Variants in SRGAP3 observed in about 807,000 individuals in gnomAD.
SRGAP3 encodes SLIT-ROBO Rho GTPase activating protein 3.
Under a neutral mutation model 121.1 loss-of-function variants are expected in SRGAP3, and 39 were observed. The ratio of observed to expected loss-of-function variants is 0.32; its 90% CI spans 0.25 to 0.42. The LOEUF is 0.42. SRGAP3 is among the 10% of genes least tolerant of loss of function. The pLI is 1.00. For synonymous variants in SRGAP3, 601 were observed against 570.0 expected, an observed-to-expected ratio of 1.05 and a Z score of -0.77; for missense variants, 1,213 against 1,470.6, an observed-to-expected ratio of 0.82 and a Z score of 2.86.
At chr3:9,124,637 T>C in intron 2 of SRGAP3, 88 bp downstream of exon 2, 1 of 1,559,930 alleles carries the variant, frequency 6.4e-7, no homozygotes, top group South Asian at 1.1e-5. Context: ...CCAATGAAGC[T>C]GGCTGGCCTC....
intron 11 of SRGAP3, chr3:9,036,583 CAAAACA>C (rs1944755965): frequency 7.2e-6 from 1 of 138,942 alleles, no homozygotes; most frequent in African/African-American, 2.7e-5. Flanking sequence ...CAAAACAAAA[CAAAACA>C]AAACACACAA....
At chr3:9,212,362 A>G (rs1952475705) in intron 1 of SRGAP3, among the ~76,000 whole-genome samples, 1 of 152,216 alleles carries the variant, frequency 6.6e-6, no homozygotes, top group Admixed American at 6.5e-5. Flanking sequence ...CTAATGTCTC[A>G]AAGAACAGGG....
chr3:9,123,830 G>A (rs1001738809), intron 2 of SRGAP3, among the ~76,000 whole-genome samples: 3 of 151,384 alleles, frequency 2.0e-5, no homozygotes, highest in African/African-American at 7.3e-5. Context: ...GGACCCAGGG[G>A]AAGGGGGATC....
At position 9,249,565 on chromosome 3, in the gene SRGAP3, C is replaced by T; in HGVS notation, c.-614G>A. ...CCCTTCGGTGCCTCTGGTCTGATGTCCAGTGAGGATCAAAGCCAGGAGAGC... is the reference window on the plus strand; with the variant it reads ...CCCTTCGGTGCCTCTGGTCTGATGTTCAGTGAGGATCAAAGCCAGGAGAGC... On this transcript the variant is annotated 5_prime_UTR_variant, in exon 1 of 22. Coordinates refer to ENST00000383836, the MANE Select transcript of SRGAP3 (RefSeq NM_014850.4). 4.2e-6 allele frequency: 1 copy of T among 239,794 alleles called. No homozygotes were observed. Among genetic ancestry groups the T allele is most frequent in the African/African-American group, 2.2e-5 (1 of 45,474 alleles). The allele number at this position is 239,794 out of a possible 1,614,324, so 14.9% of individuals were successfully genotyped here. A position where few individuals can be genotyped will look rare whatever the true frequency, so the allele number is the denominator to read the frequency against.
intron 1 of SRGAP3, among the ~76,000 whole-genome samples, chr3:9,337,278 C>A (rs1164813229): frequency 6.6e-6 from 1 of 152,124 alleles, no homozygotes; most frequent in African/African-American, 2.4e-5. Flanking sequence ...ACAAAAACAC[C>A]CAGAATAATG....
intron 1 of SRGAP3, among the ~76,000 whole-genome samples, chr3:9,351,010 C>T (rs1441813864): frequency 6.6e-6 from 1 of 152,160 alleles, no homozygotes; most frequent in African/African-American, 2.4e-5. Context: ...TGCTAGGATG[C>T]TGGCTCCCTC....
intron 20 of SRGAP3, 50 bp from the exon 21 acceptor site, chr3:8,990,889 C>T (rs766878988): frequency 5.4e-5 from 78 of 1,444,414 alleles, no homozygotes; most frequent in Middle Eastern, 1.8e-4. Flanking sequence ...TCAAGCCTGG[C>T]AAGTCTCAGA....
intron 2 of SRGAP3, among the ~76,000 whole-genome samples, chr3:9,117,347 C>G (rs1575098792): frequency 6.6e-6 from 1 of 152,200 alleles, no homozygotes; most frequent in East Asian, 1.9e-4. Context: ...TCCTGTGATG[C>G]TTTATCCCCG....
At chr3:9,286,736 G>A (rs2125268161) in intron 3 of SRGAP3, among the ~76,000 whole-genome samples, 1 of 149,814 alleles carries the variant, frequency 6.7e-6, no homozygotes, top group Non-Finnish European at 1.5e-5. Flanking sequence ...CTGAGTAGCT[G>A]GGACTACAGG....
chr3:9,191,301 T>C (rs17050153), intron 1 of SRGAP3, among the ~76,000 whole-genome samples: 1,960 of 152,302 alleles, frequency 0.013, 51 homozygotes, highest in African/African-American at 0.045. Context: ...GCTGCCCAAA[T>C]TTCTCTACCA....
chr3:9,325,478 G>A (rs1173528760), intron 3 of SRGAP3, among the ~76,000 whole-genome samples: 3 of 151,880 alleles, frequency 2.0e-5, no homozygotes, highest in Non-Finnish European at 4.4e-5. Flanking sequence ...CTATTATTTA[G>A]CATAACTTTC....
intron 1 of SRGAP3, among the ~76,000 whole-genome samples, chr3:9,178,809 T>C (rs528414770): frequency 1.1e-3 from 166 of 152,192 alleles, no homozygotes; most frequent in Middle Eastern, 0.01. Flanking sequence ...GAAAAACAAA[T>C]AGGGCAGGAT....
chr3:9,086,010 C>T (rs2664084), intron 3 of SRGAP3, among the ~76,000 whole-genome samples: 56,942 of 152,048 alleles, frequency 0.37, 11,165 homozygotes, highest in Non-Finnish European at 0.45. Context: ...CTGGCTAGGA[C>T]TTCTAGTAAG....
chr3:9,174,385 G>T (rs1260052014), intron 1 of SRGAP3, among the ~76,000 whole-genome samples: 3 of 152,192 alleles, frequency 2.0e-5, no homozygotes, highest in Admixed American at 6.5e-5. Context: ...TTTTTAAAGG[G>T]TGGAAGTGTT....
chr3:9,180,548 C>A (rs1302379907), intron 1 of SRGAP3, among the ~76,000 whole-genome samples: 2 of 152,152 alleles, frequency 1.3e-5, no homozygotes, highest in African/African-American at 4.8e-5. Flanking sequence ...CAAGTCTGGT[C>A]CAGTTCCTAC....
chr3:9,252,474 T>C (rs1045976831), upstream of SRGAP3, among the ~76,000 whole-genome samples: 8 of 147,522 alleles, frequency 5.4e-5, no homozygotes, highest in Non-Finnish European at 1.0e-4. Context: ...CAATGCAAAA[T>C]GGACTAATAC....
intron 2 of SRGAP3, among the ~76,000 whole-genome samples, chr3:9,116,181 CCCTTT>C (rs1292425768): frequency 6.6e-6 from 1 of 152,222 alleles, no homozygotes; most frequent in Non-Finnish European, 1.5e-5. Flanking sequence ...CCCCAGGCAG[CCCTTT>C]CACTGATGGA....
chr3:9,252,709 A>G (rs1286439980), upstream of SRGAP3, among the ~76,000 whole-genome samples: 1 of 151,716 alleles, frequency 6.6e-6, no homozygotes, highest in Non-Finnish European at 1.5e-5. Context: ...AGTCCTCCCC[A>G]CAGCCCACCC....
intron 18 of SRGAP3, chr3:9,008,442 G>GGA (rs59465338): frequency 0.19 from 28,400 of 149,596 alleles, 3,012 homozygotes; most frequent in Non-Finnish European, 0.25. Context: ...GACAGGAGTA[G>GGA]GAGAGAGAGA....
Sources: allele counts gnomAD v4.1 joint callset (sites outside exome capture counted in the v4.1 genomes callset), GRCh38; gene constraint gnomAD v4.1.1; transcripts MANE v1.5; gene names NCBI Gene and HGNC (gene_info 2026-07-23, HGNC 2026-07-21).